Variants in ATG7 observed in about 807,000 individuals in gnomAD.
The protein encoded by ATG7 is autophagy related 7.
A neutral mutation model predicts 82.4 loss-of-function variants in ATG7; 70 were observed. The ratio of observed to expected loss-of-function variants is 0.85; its 90% CI spans 0.70 to 1.04. The LOEUF is 1.04. Ranked by LOEUF, ATG7 falls within the 50% of genes least tolerant of loss-of-function variation. The pLI is 0.00. For missense variants in ATG7, 792 were observed against 864.3 expected (o/e 0.92, Z 1.05); for synonymous variants, 287 against 313.0 (o/e 0.92, Z 0.88).
chr3:11,537,964 C>T (rs1318886130), intron 20 of ATG7, among the ~76,000 whole-genome samples: 1 of 146,932 alleles, frequency 6.8e-6, no homozygotes, highest in East Asian at 1.9e-4. Flanking sequence ...CAAAGTGGTA[C>T]CTGGCCGAGA....
chr3:11,559,867 T>G (rs1203293015), downstream of ATG7, among the ~76,000 whole-genome samples: 1 of 152,102 alleles, frequency 6.6e-6, no homozygotes, highest in African/African-American at 2.4e-5. Context: ...CCTGGAGCCA[T>G]CCAGGACACT....
intron 20 of ATG7, among the ~76,000 whole-genome samples, chr3:11,439,594 G>T (rs2083688806): frequency 6.6e-6 from 1 of 152,188 alleles, no homozygotes; most frequent in East Asian, 1.9e-4. Context: ...GTATAGTTGG[G>T]GAGATAGGAC....
intron 19 of ATG7, among the ~76,000 whole-genome samples, chr3:11,411,915 A>G (rs531893155): frequency 6.6e-6 from 1 of 151,254 alleles, no homozygotes; most frequent in Non-Finnish European, 1.5e-5. Context: ...GTGAGAGTCC[A>G]ATTTCCTTCT....
At chr3:11,306,627 C>T (rs1947790383) in intron 5 of ATG7, among the ~76,000 whole-genome samples, 1 of 152,124 alleles carries the variant, frequency 6.6e-6, no homozygotes. Context: ...CTGTGCACAG[C>T]TCAACAAACA....
chr3:11,528,417 T>C (rs369543605), intron 20 of ATG7, among the ~76,000 whole-genome samples: 22 of 152,130 alleles, frequency 1.4e-4, no homozygotes, highest in African/African-American at 5.3e-4. Flanking sequence ...GTCACGTACC[T>C]CCTATGTGTC....
At chr3:11,530,974 C>G (rs1179645123) in intron 20 of ATG7, among the ~76,000 whole-genome samples, 1 of 152,178 alleles carries the variant, frequency 6.6e-6, no homozygotes, top group Non-Finnish European at 1.5e-5. Flanking sequence ...GAGTGATACT[C>G]TATCTCGGAA....
At chr3:11,564,953 G>A in the ATG7 span, 312 of 1,567,832 alleles carry the variant, frequency 2.0e-4, no homozygotes, top group Admixed American at 8.6e-4. Flanking sequence ...GGGCCACAGC[G>A]CGCTCGATGG....
intron 20 of ATG7, among the ~76,000 whole-genome samples, chr3:11,525,578 G>A (rs542164207): frequency 1.6e-5 from 2 of 128,520 alleles, no homozygotes; most frequent in South Asian, 2.4e-4. Context: ...TTTTTTAAAC[G>A]GAGTCTTGCT....
downstream of ATG7, chr3:11,559,254 T>A: frequency 1.4e-6 from 2 of 1,458,756 alleles, no homozygotes; most frequent in Non-Finnish European, 1.8e-6. Context: ...GCGAGAGGTT[T>A]CAGCCAACAG....
At chr3:11,359,607 G>C (rs988163228) in intron 15 of ATG7, among the ~76,000 whole-genome samples, 3 of 151,916 alleles carry the variant, frequency 2.0e-5, no homozygotes, top group Admixed American at 2.0e-4. Context: ...GAGGCAGGAA[G>C]ATCACTTGAG....
At chr3:11,277,902 C>CCG (rs527263693) in intron 1 of ATG7, among the ~76,000 whole-genome samples, 2 of 137,324 alleles carry the variant, frequency 1.5e-5, no homozygotes, top group East Asian at 2.3e-4. Flanking sequence ...CCCCCCCCCC[C>CCG]CCACCAGGAA....
At chr3:11,552,883 C>T (rs1472689363) in intron 20 of ATG7, among the ~76,000 whole-genome samples, 1 of 152,166 alleles carries the variant, frequency 6.6e-6, no homozygotes, top group Non-Finnish European at 1.5e-5. Context: ...GCTAAAAACC[C>T]AGTAAAATGG....
chr3:11,381,160 T>C (rs1222531547), intron 19 of ATG7, among the ~76,000 whole-genome samples: 2 of 152,264 alleles, frequency 1.3e-5, no homozygotes, highest in Non-Finnish European at 2.9e-5. Context: ...ACTTTGTCAG[T>C]AGTTACCCAT....
At chr3:11,490,381 G>C (rs1419098002) in intron 20 of ATG7, among the ~76,000 whole-genome samples, 1 of 152,102 alleles carries the variant, frequency 6.6e-6, no homozygotes, top group East Asian at 1.9e-4. Context: ...ACGTGACATG[G>C]GTTTCCTGAA....
downstream of ATG7, chr3:11,558,257 C>T: frequency 2.1e-6 from 1 of 481,662 alleles, no homozygotes; most frequent in South Asian, 3.1e-5. Context: ...AGTCCTGGCC[C>T]CGTCGGGGCA....
intron 20 of ATG7, among the ~76,000 whole-genome samples, chr3:11,447,877 T>G (rs1197286872): frequency 6.6e-6 from 1 of 152,144 alleles, no homozygotes; most frequent in Non-Finnish European, 1.5e-5. Context: ...GTTGGAGTGA[T>G]GGGGGATGGT....
intron 20 of ATG7, among the ~76,000 whole-genome samples, chr3:11,545,702 G>A (rs1369230653): frequency 6.6e-6 from 1 of 152,078 alleles, no homozygotes; most frequent in African/African-American, 2.4e-5. Context: ...TCTCCTGGGC[G>A]TGTGTCTCTC....
intron 19 of ATG7, among the ~76,000 whole-genome samples, chr3:11,412,731 G>A (rs1366977006): frequency 6.6e-6 from 1 of 151,980 alleles, no homozygotes; most frequent in Non-Finnish European, 1.5e-5. Context: ...AACACCGTTG[G>A]ATTTGTATAG....
chr3:11,513,464 C>A (rs1162240315), intron 20 of ATG7, among the ~76,000 whole-genome samples: 1 of 152,242 alleles, frequency 6.6e-6, no homozygotes, highest in Non-Finnish European at 1.5e-5. Context: ...ACCCAGCGCA[C>A]CCTCTGCAGC....
Sources: allele counts gnomAD v4.1 joint callset (sites outside exome capture counted in the v4.1 genomes callset), GRCh38; gene constraint gnomAD v4.1.1; transcripts MANE v1.5; gene names NCBI Gene and HGNC (gene_info 2026-07-23, HGNC 2026-07-21).